The following ERC1 variants were observed in gnomAD, a reference collection of about 807,000 sequenced individuals.
ERC1 encodes RAB6 interacting protein 2.
Under a neutral mutation model 132.0 loss-of-function variants are expected in ERC1, and 56 were observed. The ratio of observed to expected loss-of-function variants is 0.42; its 90% CI spans 0.34 to 0.53. ERC1 has a LOEUF of 0.53. Ranked by LOEUF, ERC1 falls within the 20% of genes least tolerant of loss-of-function variation. The pLI is 0.03. For missense variants in ERC1, 1,202 were observed against 1,349.9 expected, an observed-to-expected ratio of 0.89 and a Z score of 1.72; for synonymous variants, 478 against 476.1, an observed-to-expected ratio of 1.00 and a Z score of -0.05.
chr12:1,100,636 C>G (rs1690211771), intron 3 of ERC1, among the ~76,000 whole-genome samples: 1 of 152,032 alleles, frequency 6.6e-6, no homozygotes, highest in African/African-American at 2.4e-5. Context: ...AAAAGAGACT[C>G]CTATGTTTTT....
chr12:1,265,631 G>C (rs554580814), intron 14 of ERC1, among the ~76,000 whole-genome samples: 1 of 152,304 alleles, frequency 6.6e-6, no homozygotes, highest in East Asian at 1.9e-4. Context: ...AGTCCCGTGA[G>C]TTTTGCCAAA....
intron 16 of ERC1, among the ~76,000 whole-genome samples, chr12:1,381,515 A>G (rs2088663986): frequency 6.6e-6 from 1 of 151,424 alleles, no homozygotes; most frequent in South Asian, 2.1e-4. Context: ...GCCTCTATTG[A>G]CTAGTTAAGA....
intron 17 of ERC1, among the ~76,000 whole-genome samples, chr12:1,426,814 T>C (rs1375432984): frequency 6.6e-6 from 1 of 152,174 alleles, no homozygotes; most frequent in African/African-American, 2.4e-5. Context: ...GTGTCGTTCT[T>C]TTTTTCTTCA....
At position 1,281,441 on chromosome 12, in the gene ERC1, C is replaced by T. The variant is rs79373423; in HGVS notation, c.2620-8411C>T. ...TTCATTTCCTAAATTAGACATTTGT[C>T]ACAAACCCTAATGAAATATTAAGAG... On this transcript the variant is annotated intron_variant, in intron 14 of 18. Coordinates refer to ENST00000360905, the MANE Select transcript of ERC1 (RefSeq NM_178040.4). Among the ~76,000 whole-genome samples, 1,217 of 152,192 alleles carry T rather than the reference C, an allele frequency of 8.0e-3. 10 individuals are homozygous for T. Among genetic ancestry groups the T allele is most frequent in the Non-Finnish European group, 0.013 (872 of 68,014 alleles).
At chr12:1,139,314 C>T (rs966364057) in intron 7 of ERC1, among the ~76,000 whole-genome samples, 7 of 152,082 alleles carry the variant, frequency 4.6e-5, no homozygotes, top group Non-Finnish European at 1.0e-4. Context: ...GTAGCTGTCT[C>T]GTTATTAGAT....
rs186749850 is a variant in ERC1, at chr12:1,419,388, A to T, written c.3024+11141A>T. ...CCTGGATACATTTCTTTATGTAGAT[A>T]TGACATACCTTTCTTGCTTCAAATA... On this transcript the variant is annotated intron_variant, in intron 17 of 18. Coordinates refer to ENST00000360905, the MANE Select transcript of ERC1 (RefSeq NM_178040.4). Among the ~76,000 whole-genome samples the T allele has an allele frequency of 1.8e-3, 275 of 151,678 alleles. 1 individual carries two copies. The highest frequency in any genetic ancestry group is 6.5e-3 in the African/African-American group (268 of 41,266).
rs531124783 is a variant in ERC1, at chr12:1,461,699, A to G, written c.3213+16949A>G. ...TAATAATAATAATAAAATAAAACTG[A>G]GCCTTTGTAGCAATGGGTGGTTGTT... On this transcript the variant is annotated intron_variant, in intron 18 of 18. Coordinates refer to ENST00000360905, the MANE Select transcript of ERC1 (RefSeq NM_178040.4). 2.0e-5 allele frequency among the ~76,000 whole-genome samples: 3 copies of G among 152,196 alleles called. No individual in the cohort carries two copies. The South Asian group carries it at 6.2e-4, about 32-fold the overall frequency.
intron 12 of ERC1, among the ~76,000 whole-genome samples, chr12:1,198,126 C>G (rs1956515496): frequency 6.6e-6 from 1 of 152,052 alleles, no homozygotes; most frequent in Admixed American, 6.5e-5. Context: ...TGGGTTTTTG[C>G]CAGATAGCCT....
intron 17 of ERC1, among the ~76,000 whole-genome samples, chr12:1,408,951 T>A (rs1422504312): frequency 6.6e-6 from 1 of 151,828 alleles, no homozygotes; most frequent in Non-Finnish European, 1.5e-5. Flanking sequence ...TTTTAACATC[T>A]CTATCACACC....
At chr12:1,362,484 C>T (rs1479706458) in intron 15 of ERC1, among the ~76,000 whole-genome samples, 1 of 152,048 alleles carries the variant, frequency 6.6e-6, no homozygotes, top group Non-Finnish European at 1.5e-5. Flanking sequence ...CTCTCTCTCT[C>T]GAAGAGCTGG....
At position 1,021,259 on chromosome 12, in the gene ERC1, A is replaced by G. The variant is rs561331398; in HGVS notation, c.-156-6489A>G. ...TCCAGCCGAGACTCTTATTTCATAT[A>G]CACCCTGTTGAGTGTGCCAGGAATG... On this transcript the variant is annotated intron_variant, in intron 1 of 18. Coordinates refer to ENST00000360905, the MANE Select transcript of ERC1 (RefSeq NM_178040.4). Among the ~76,000 whole-genome samples the G allele has an allele frequency of 2.0e-3, 298 of 152,048 alleles. 1 individual carries two copies. Among genetic ancestry groups the G allele is most frequent in the Non-Finnish European group, 3.9e-3 (267 of 67,966 alleles).
chr12:995,214 G>A (rs761067602), intron 1 of ERC1, among the ~76,000 whole-genome samples: 23 of 152,052 alleles, frequency 1.5e-4, no homozygotes, highest in Admixed American at 1.1e-3. Flanking sequence ...CTGTCATTCC[G>A]TCGTTGCACT....
At chr12:1,464,111 ATATTAAG>A (rs1244015522) in intron 18 of ERC1, among the ~76,000 whole-genome samples, 2 of 152,148 alleles carry the variant, frequency 1.3e-5, no homozygotes, top group Admixed American at 6.5e-5. Context: ...AATGACACAG[ATATTAAG>A]TATTATTTGC....
chr12:1,276,134 C>T (rs1471330098), intron 14 of ERC1, among the ~76,000 whole-genome samples: 2 of 152,148 alleles, frequency 1.3e-5, no homozygotes, highest in African/African-American at 2.4e-5. Context: ...TCAACCTTAC[C>T]TTATTCCCTT....
intron 7 of ERC1, among the ~76,000 whole-genome samples, chr12:1,120,114 A>G (rs1002977730): frequency 6.6e-5 from 10 of 151,986 alleles, no homozygotes; most frequent in African/African-American, 2.2e-4. Context: ...CAGCATCTTG[A>G]GTAGCTAGGA....
intron 1 of ERC1, among the ~76,000 whole-genome samples, chr12:995,138 T>C (rs2369493): frequency 6.6e-6 from 1 of 150,992 alleles, no homozygotes; most frequent in Admixed American, 6.6e-5. Context: ...GTGCCTATAG[T>C]CTCAGCTACT....
At position 1,491,813 on chromosome 12, in the gene ERC1, C is replaced by T. The variant is rs144963601; in HGVS notation, c.*1583C>T. 2.6e-5 allele frequency: 6 copies of T among 232,244 alleles called. No homozygotes were observed. The highest frequency in any genetic ancestry group is 4.4e-5 in the African/African-American group (2 of 45,390). 14.4% of individuals were successfully genotyped at this position (232,244 alleles called of 1,614,324 possible). On this transcript the variant is annotated 3_prime_UTR_variant, in exon 19 of 19. Transcript: ENST00000360905. ...ATGAAGGTATTGGCATTGTTAAGGA[C>T]GTAGCGTAGACAACAGCAGTCATAA...
intron 14 of ERC1, among the ~76,000 whole-genome samples, chr12:1,283,758 G>A (rs897531539): frequency 1.3e-5 from 2 of 152,112 alleles, no homozygotes; most frequent in Non-Finnish European, 2.9e-5. Flanking sequence ...AAATCTGAAA[G>A]GTAGAGATTT....
At chr12:1,464,185 C>T (rs1016482509) in intron 18 of ERC1, among the ~76,000 whole-genome samples, 1 of 152,060 alleles carries the variant, frequency 6.6e-6, no homozygotes, top group Admixed American at 6.6e-5. Context: ...ATATGTGGGA[C>T]CTTGTGCTAA....
Sources: gnomAD v4.1 joint callset for allele counts (sites outside exome capture counted in the v4.1 genomes callset) on GRCh38, gnomAD v4.1.1 for gene constraint, MANE v1.5 for transcripts, NCBI Gene and HGNC (gene_info 2026-07-23, HGNC 2026-07-21) for gene names.